MAST4: variants seen among roughly 807,000 people sequenced by gnomAD.
MAST4 encodes microtubule-associated serine/threonine-protein kinase 4.
In MAST4, 89 loss-of-function variants were observed where a neutral mutation model predicts 162.7. That is an observed-to-expected ratio of 0.55 (90% CI 0.46 to 0.65). The LOEUF is 0.65. Ranked by LOEUF, MAST4 falls within the 30% of genes least tolerant of loss-of-function variation. The pLI is 0.00. For synonymous variants in MAST4, 1,479 were observed against 1,361.1 expected, an observed-to-expected ratio of 1.09 and a Z score of -1.91; for missense variants, 3,153 against 3,374.0, an observed-to-expected ratio of 0.93 and a Z score of 1.62.
chr5:66,898,508 T>C (rs146053115), intron 3 of MAST4, among the ~76,000 whole-genome samples: 197 of 152,290 alleles, frequency 1.3e-3, no homozygotes, highest in African/African-American at 4.6e-3. Context: ...TTAGAGGTTT[T>C]AGTAAATGAA....
chr5:66,679,599 A>AT (rs1748195694), intron 1 of MAST4, among the ~76,000 whole-genome samples: 1 of 151,958 alleles, frequency 6.6e-6, no homozygotes, highest in Non-Finnish European at 1.5e-5. Context: ...TCCCCACTAA[A>AT]TATCAGTGTA....
intron 1 of MAST4, among the ~76,000 whole-genome samples, chr5:66,704,492 CTT>C (rs1172510331): frequency 2.1e-5 from 2 of 97,340 alleles, no homozygotes; most frequent in African/African-American, 4.3e-5. Context: ...GCTTGTTGTT[CTT>C]TTTTTTTTTT....
chr5:66,863,739 C>A (rs780623252), intron 3 of MAST4, among the ~76,000 whole-genome samples: 3 of 152,102 alleles, frequency 2.0e-5, no homozygotes, highest in African/African-American at 7.2e-5. Flanking sequence ...AGAATGTGAT[C>A]GAAATCATTG....
At chr5:66,759,654 A>C (rs1388541408) in intron 1 of MAST4, 55 bp from the exon 2 acceptor site, 2 of 1,592,726 alleles carry the variant, frequency 1.3e-6, no homozygotes, top group Non-Finnish European at 1.7e-6. Context: ...TTGGTCTTTC[A>C]TTCTAGGCTG....
At chr5:66,805,670 C>T (rs553043238) in intron 3 of MAST4, among the ~76,000 whole-genome samples, 14 of 152,280 alleles carry the variant, frequency 9.2e-5, no homozygotes, top group African/African-American at 2.2e-4. Context: ...AGGCCATCCC[C>T]GAGGCTGATG....
At chr5:67,103,560 A>G (rs1350529657) in intron 9 of MAST4, among the ~76,000 whole-genome samples, 3 of 152,192 alleles carry the variant, frequency 2.0e-5, no homozygotes, top group Non-Finnish European at 4.4e-5. Flanking sequence ...TATATAATTA[A>G]TGTAAGCAAG....
chr5:66,847,519 A>G (rs1350834246), intron 3 of MAST4, among the ~76,000 whole-genome samples: 3 of 152,180 alleles, frequency 2.0e-5, no homozygotes, highest in South Asian at 2.1e-4. Flanking sequence ...CTGTAATTCC[A>G]GATACTTGGG....
At chr5:66,679,830 T>C (rs16895456) in intron 1 of MAST4, among the ~76,000 whole-genome samples, 42,081 of 151,972 alleles carry the variant, frequency 0.28, 5,978 homozygotes, top group South Asian at 0.31. Flanking sequence ...ATTATTTGGC[T>C]CTAACCTTGA....
At chr5:66,762,325 A>G (rs1032885574) in intron 2 of MAST4, among the ~76,000 whole-genome samples, 12 of 152,330 alleles carry the variant, frequency 7.9e-5, no homozygotes, top group Middle Eastern at 3.4e-3. Flanking sequence ...ATATTAGAAT[A>G]TGAAAAAAAC....
intron 4 of MAST4, among the ~76,000 whole-genome samples, chr5:66,960,521 A>G (rs1183171803): frequency 6.6e-6 from 1 of 151,860 alleles, no homozygotes; most frequent in East Asian, 1.9e-4. Flanking sequence ...TGTGTGGAAT[A>G]TTTTAGTGGC....
At chr5:67,152,942 T>C (rs762186133) in intron 25 of MAST4, 76 bp downstream of exon 25, 19 of 1,182,100 alleles carry the variant, frequency 1.6e-5, no homozygotes, top group Non-Finnish European at 2.3e-5. Context: ...GGCTGATAAA[T>C]AGCAAATATA....
chr5:67,109,104 G>T (rs536587393), intron 10 of MAST4, among the ~76,000 whole-genome samples: 5 of 151,742 alleles, frequency 3.3e-5, no homozygotes, highest in Non-Finnish European at 5.9e-5. Context: ...AAACAGTTTT[G>T]CTCTCAGAAT....
Position 67,166,682 on chromosome 5 carries a change from C to A in MAST4, c.7503C>A (p.Asp2501Glu). Reference protein sequence around the residue: ...MLELPAPSNRDHRKAQPAGEG... With the variant: ...MLELPAPSNREHRKAQPAGEG... ...AGCTTCCAGCCCCCAGCAACAGGGA[C>A]CATAGGAAGGCTCAGCCTGCCGGGG... The change falls in exon 29 of 29, where the codon GAC (aspartate) becomes GAA (glutamate). Residue 2501 changes from aspartate to glutamate, a missense_variant. This residue lies in a region of MAST4 where 1,644 missense variants were observed against 1,495.0 expected (regional missense o/e 1.10). Coordinates refer to ENST00000403625, the MANE Select transcript of MAST4 (RefSeq NM_001164664.2). 3.1e-6 allele frequency: 5 copies of A among 1,595,854 alleles called. No individual in the cohort carries two copies. Among genetic ancestry groups the A allele is most frequent in the Non-Finnish European group, 4.3e-6 (5 of 1,171,512 alleles).
intron 1 of MAST4, among the ~76,000 whole-genome samples, chr5:66,730,401 G>C (rs75856615): frequency 0.012 from 1,765 of 152,112 alleles, 32 homozygotes; most frequent in African/African-American, 0.039. Context: ...CTACTGTTCA[G>C]GATGGGATTT....
chr5:67,116,350 C>T (rs560243264), intron 12 of MAST4, among the ~76,000 whole-genome samples: 172 of 151,694 alleles, frequency 1.1e-3, no homozygotes, highest in Middle Eastern at 3.4e-3. Flanking sequence ...GGATTACAGA[C>T]GTGTGTCACC....
chr5:66,687,492 A>T (rs758827169), intron 1 of MAST4, among the ~76,000 whole-genome samples: 3 of 151,768 alleles, frequency 2.0e-5, no homozygotes, highest in Non-Finnish European at 2.9e-5. Context: ...ACATACATAT[A>T]TGTATATGTA....
In MAST4 at chr5:67,165,601, A is replaced by G; in HGVS notation, c.6422A>G (p.Lys2141Arg). ...ATCCCTCCGCCCCCTCTGACGGCCA[A>G]AGACCTGTCCAGCCCGGCTGCCAGG... is the stretch of plus-strand genomic sequence containing the variant. ...SSIPPPPLTAKDLSSPAARQH... is the reference protein window; with the variant it reads ...SSIPPPPLTARDLSSPAARQH... The change falls in exon 29 of 29, where the codon AAA (lysine) becomes AGA (arginine). Residue 2141 changes from lysine (K) to arginine (R), a missense_variant. Coordinates refer to ENST00000403625, the MANE Select transcript of MAST4 (RefSeq NM_001164664.2). 6.2e-7 allele frequency: 1 copy of G among 1,613,794 alleles called. No homozygotes were observed. The highest frequency in any genetic ancestry group is 8.5e-7 in the Non-Finnish European group (1 of 1,179,808).
At chr5:66,837,888 ATATATATTTTTTTTTTTTTTTTTTT>A (rs1758116533) in intron 3 of MAST4, among the ~76,000 whole-genome samples, 2 of 34,948 alleles carry the variant, frequency 5.7e-5, no homozygotes, top group African/African-American at 3.0e-4. Flanking sequence ...ATATATATAT[ATATATATTTTTTTTTTTTTTTTTTT>A]TTTTAATGTG....
At chr5:66,816,901 G>T (rs1258915698) in intron 3 of MAST4, among the ~76,000 whole-genome samples, 1 of 152,014 alleles carries the variant, frequency 6.6e-6, no homozygotes, top group Admixed American at 6.6e-5. Flanking sequence ...TAGTTTTTTT[G>T]AAATTTATAA....
Sources: gnomAD v4.1 joint callset for allele counts (sites outside exome capture counted in the v4.1 genomes callset) on GRCh38, gnomAD v4.1.1 for gene constraint, gnomAD v4.1.1 regional missense constraint, MANE v1.5 for transcripts, NCBI Gene and HGNC (gene_info 2026-07-23, HGNC 2026-07-21) for gene names.